Variants in RANGAP1 observed in about 807,000 individuals in gnomAD.
RANGAP1 encodes ran GTPase-activating protein 1.
In RANGAP1, 38 loss-of-function variants were observed where a neutral mutation model predicts 63.5. The ratio of observed to expected loss-of-function variants is 0.60; its 90% CI spans 0.46 to 0.78. The LOEUF is 0.78. Among genes scored for constraint, RANGAP1 ranks in the 30% least tolerant of loss-of-function variants. The pLI, the probability that RANGAP1 is intolerant of heterozygous loss-of-function variation, is 0.00. For missense variants in RANGAP1, 630 were observed against 740.3 expected (o/e 0.85, Z 1.73); for synonymous variants, 329 against 310.5 (o/e 1.06, Z -0.63).
chr22:41,265,639 G>C (rs1362302826), intron 4 of RANGAP1, among the ~76,000 whole-genome samples: 1 of 152,150 alleles, frequency 6.6e-6, no homozygotes, highest in Non-Finnish European at 1.5e-5. Context: ...GCTTTGACAG[G>C]GTGATTTGAA....
intron 1 of RANGAP1, chr22:41,285,447 G>A: frequency 1.1e-6 from 1 of 944,768 alleles, no homozygotes; most frequent in Non-Finnish European, 1.3e-6. Context: ...CAAAAGCAAA[G>A]GGCTAATAGA....
intron 13 of RANGAP1, 73 bp downstream of exon 13, chr22:41,250,934 A>G: frequency 7.7e-7 from 1 of 1,292,716 alleles, no homozygotes; most frequent in South Asian, 1.2e-5. Context: ...AGTTACGGCA[A>G]CCACGAAGGA....
chr22:41,252,843 C>G, intron 12 of RANGAP1, 29 bp downstream of exon 12: 2 of 1,542,564 alleles, frequency 1.3e-6, no homozygotes, highest in South Asian at 2.4e-5. Context: ...ACAGCACGTA[C>G]AGCGTGGGGG....
At chr22:41,285,652 G>C in intron 1 of RANGAP1, 1 of 985,444 alleles carries the variant, frequency 1.0e-6, no homozygotes, top group South Asian at 4.7e-5. Context: ...ATGATAGGCG[G>C]GCGGCGCAGG....
In RANGAP1 at chr22:41,256,149, C is replaced by T. The variant is rs762851030; in HGVS notation, c.988+42G>A. ...GAGCAGTCAGCCGGGGTGCCAGGGC[C>T]AGCCTAGCAGACCTGTGCAGAGGCC... On this transcript the variant is annotated intron_variant, in intron 9 of 15. Transcript: ENST00000356244. The T allele has an allele frequency of 2.5e-6, 4 of 1,613,578 alleles. No homozygotes were observed. The East Asian group carries it at 8.9e-5, about 36-fold the overall frequency.
chr22:41,246,238 C>T lies in RANGAP1; in HGVS notation c.*365G>A, dbSNP rs1367485831. On this transcript the variant is annotated 3_prime_UTR_variant, in exon 16 of 16. Coordinates refer to ENST00000356244, the MANE Select transcript of RANGAP1 (RefSeq NM_002883.4). The stretch of plus-strand genomic sequence containing the variant: ...TTCTGGCTCCGCCAGGGAGCCGGGC[C>T]GGAAGGCAGGTGGGTGGGGACGGCC... The T allele has an allele frequency of 1.5e-5, 3 of 193,890 alleles. No homozygotes were observed. The highest frequency in any genetic ancestry group is 1.5e-4 in the East Asian group (1 of 6,860). 12.0% of individuals were successfully genotyped at this position (193,890 alleles called of 1,614,324 possible). A position where few individuals can be genotyped will look rare whatever the true frequency, so the allele number is the denominator to read the frequency against.
chr22:41,298,954 C>T, the RANGAP1 span, among the ~76,000 whole-genome samples: 1 of 152,162 alleles, frequency 6.6e-6, no homozygotes, highest in African/African-American at 2.4e-5. Flanking sequence ...GGGCCGCCTT[C>T]CTGGTTTATA....
chr22:41,252,741 T>C (rs1203510861), intron 12 of RANGAP1, 131 bp downstream of exon 12: 2 of 1,080,996 alleles, frequency 1.9e-6, no homozygotes, highest in South Asian at 2.2e-5. Flanking sequence ...GTTGTAACAG[T>C]GGCAGGCCAA....
Position 41,261,487 on chromosome 22 carries a change from G to C in RANGAP1, c.574C>G (p.Leu192Val). ...AAGGCAGTGGCGCCATCATTCTCCA[G>C]ACGGTTTCTGCCAGCCACAAAGACC... is the stretch of plus-strand genomic sequence containing the variant. ...LKVFVAGRNR[L>V]ENDGATALAE... The change falls in exon 6 of 16, where the codon CTG becomes GTG. Residue 192 changes from leucine to valine, a missense_variant. By Grantham distance (32) the Leu-to-Val change is conservative. Around this residue, in one of 3 missense-constraint regions of RANGAP1, gnomAD observed 137 missense variants for 214.3 expected, o/e 0.64. Coordinates refer to ENST00000356244, the MANE Select transcript of RANGAP1 (RefSeq NM_002883.4). The C allele has an allele frequency of 6.2e-7, 1 of 1,614,244 alleles. No individual in the cohort carries two copies. Among genetic ancestry groups the C allele is most frequent in the East Asian group, 2.2e-5 (1 of 44,884 alleles).
In RANGAP1 at chr22:41,274,872, G is replaced by C. The variant is rs987417512; in HGVS notation, c.113-145C>G. On this transcript the variant is annotated intron_variant, in intron 2 of 15. Coordinates refer to ENST00000356244, the MANE Select transcript of RANGAP1 (RefSeq NM_002883.4). ...CCTTGGCTTACAGAGAATCAGACAG[G>C]CTCATGGTCCAGAGTACAGAGCTAT... The C allele has an allele frequency of 4.8e-6, 5 of 1,046,828 alleles. No individual in the cohort carries two copies. In the Admixed American group the frequency reaches 8.7e-5, roughly 18 times the overall value. The allele number at this position is 1,046,828 out of a possible 1,614,324, so 64.8% of individuals were successfully genotyped here.
At chr22:41,290,354 C>T (rs1455492357), upstream of RANGAP1, among the ~76,000 whole-genome samples, 1 of 151,708 alleles carries the variant, frequency 6.6e-6, no homozygotes, top group Non-Finnish European at 1.5e-5. Context: ...CTAAGACTCC[C>T]GAGTAGCTGG....
intron 2 of RANGAP1, 38 bp downstream of exon 2, chr22:41,280,895 C>T (rs767187351): frequency 2.5e-6 from 4 of 1,612,744 alleles, no homozygotes; most frequent in East Asian, 4.5e-5. Context: ...TCCCTCTCCT[C>T]CCCTGGACAC....
chr22:41,246,734 G>T, intron 15 of RANGAP1, 62 bp from the exon 16 acceptor site: 1 of 1,415,494 alleles, frequency 7.1e-7, no homozygotes, highest in South Asian at 1.2e-5. Flanking sequence ...CCAAGTGTGG[G>T]GGCCATTTTG....
intron 11 of RANGAP1, 164 bp from the exon 12 acceptor site, chr22:41,253,155 T>C (rs2145696257): frequency 1.4e-6 from 1 of 720,438 alleles, no homozygotes; most frequent in Non-Finnish European, 1.9e-6. Context: ...CATCTATCAA[T>C]ATCACCCAGA....
chr22:41,249,251 C>T lies in RANGAP1; in HGVS notation c.1694+79G>A, dbSNP rs1473621135. On this transcript the variant is annotated intron_variant, in intron 15 of 15. Coordinates refer to ENST00000356244, the MANE Select transcript of RANGAP1 (RefSeq NM_002883.4). ...GGCTGGCTGGGCTGGGGCTGGGCCTCCCGGAACCGGGCGCCTTCAGACCTG... is the reference window on the plus strand; with the variant it reads ...GGCTGGCTGGGCTGGGGCTGGGCCTTCCGGAACCGGGCGCCTTCAGACCTG... 3 of 1,495,054 alleles carry T rather than the reference C, an allele frequency of 2.0e-6. No individual in the cohort carries two copies. The Admixed American group carries it at 6.8e-5, about 34-fold the overall frequency. The allele number at this position is 1,495,054 out of a possible 1,614,324, so 92.6% of individuals were successfully genotyped here.
At chr22:41,276,808 C>A (rs1007697263) in intron 2 of RANGAP1, among the ~76,000 whole-genome samples, 2 of 151,478 alleles carry the variant, frequency 1.3e-5, no homozygotes, top group Non-Finnish European at 2.9e-5. Context: ...ACATGGTAAA[C>A]CCCGTCTCTA....
the RANGAP1 span, among the ~76,000 whole-genome samples, chr22:41,291,928 T>A: frequency 3.3e-5 from 5 of 151,096 alleles, no homozygotes. Flanking sequence ...TAATAATTCC[T>A]TTTTTCTTTT....
At chr22:41,294,940 C>T in the RANGAP1 span, among the ~76,000 whole-genome samples, 2 of 111,118 alleles carry the variant, frequency 1.8e-5, no homozygotes, top group African/African-American at 7.5e-5. Flanking sequence ...GGGGGATCAG[C>T]CCCCCGCCCG....
At position 41,249,464 on chromosome 22, in the gene RANGAP1, C is replaced by G; in HGVS notation, c.1573-13G>C. The G allele has an allele frequency of 6.2e-7, 1 of 1,610,588 alleles. No individual in the cohort carries two copies. Among genetic ancestry groups the G allele is most frequent in the Non-Finnish European group, 8.5e-7 (1 of 1,179,440 alleles). On this transcript the variant is annotated splice_polypyrimidine_tract_variant and intron_variant, in intron 14 of 15. Coordinates refer to ENST00000356244, the MANE Select transcript of RANGAP1 (RefSeq NM_002883.4). The stretch of plus-strand genomic sequence containing the variant: ...CCTTGTCTTCACTCTGAGAGGAACA[C>G]AGCGAAAAGCGGGGTGAGCTTCAAA...
Sources: gnomAD v4.1 joint callset for allele counts (sites outside exome capture counted in the v4.1 genomes callset) on GRCh38, gnomAD v4.1.1 for gene constraint, gnomAD v4.1.1 regional missense constraint, MANE v1.5 for transcripts, NCBI Gene and HGNC (gene_info 2026-07-23, HGNC 2026-07-21) for gene names.